Variants in GPHN observed in about 807,000 individuals in gnomAD.
GPHN encodes the protein gephyrin.
Under a neutral mutation model 95.5 loss-of-function variants are expected in GPHN, and 17 were observed. The observed-to-expected ratio is 0.18, with a 90% CI of 0.12 to 0.27. The LOEUF is 0.27. GPHN is among the 10% of genes least tolerant of loss of function. GPHN has a pLI of 1.00. For missense variants in GPHN, 660 were observed against 978.1 expected, an observed-to-expected ratio of 0.67 and a Z score of 4.34; for synonymous variants, 320 against 322.5, an observed-to-expected ratio of 0.99 and a Z score of 0.08.
At chr14:66,673,461 C>G (rs1474409577) in intron 1 of GPHN, among the ~76,000 whole-genome samples, 1 of 152,196 alleles carries the variant, frequency 6.6e-6, no homozygotes, top group Non-Finnish European at 1.5e-5. Context: ...TCCAATAACA[C>G]TATATTCACA....
At position 66,587,212 on chromosome 14, in the gene GPHN, CAAGT is replaced by C. The variant is rs560742850; in HGVS notation, c.64+78625_64+78628del. Among the ~76,000 whole-genome samples the C allele has an allele frequency of 9.2e-5, 14 of 152,090 alleles. No homozygotes were observed. The South Asian group carries it at 2.5e-3, about 27-fold the overall frequency. On this transcript the variant is annotated intron_variant, in intron 1 of 22. Coordinates refer to ENST00000478722, the MANE Select transcript of GPHN (RefSeq NM_020806.5). ...GAAATAGAAAAGCTTTACATAATAA[CAAGT>C]AAGGAGATTAAGTCAATAATAAAAA...
the GPHN span, among the ~76,000 whole-genome samples, chr14:67,212,796 G>A: frequency 1.3e-5 from 2 of 151,614 alleles, no homozygotes; most frequent in African/African-American, 4.8e-5. Context: ...AGGAAAATGG[G>A]TGATCCTTAG....
At chr14:66,781,557 G>A (rs555456837) in intron 3 of GPHN, among the ~76,000 whole-genome samples, 11 of 152,128 alleles carry the variant, frequency 7.2e-5, no homozygotes, top group Non-Finnish European at 1.3e-4. Flanking sequence ...CCTTGCTTTT[G>A]TTCCGTTTTA....
chr14:66,575,921 G>A (rs2060883333), intron 1 of GPHN, among the ~76,000 whole-genome samples: 1 of 152,152 alleles, frequency 6.6e-6, no homozygotes, highest in Non-Finnish European at 1.5e-5. Flanking sequence ...GGCAGGCCTG[G>A]AACTTTAATC....
At chr14:67,631,787 T>C in the GPHN span, among the ~76,000 whole-genome samples, 1 of 152,194 alleles carries the variant, frequency 6.6e-6, no homozygotes, top group Non-Finnish European at 1.5e-5. Flanking sequence ...GATTCTGTCC[T>C]TGATTCTCCT....
the GPHN span, among the ~76,000 whole-genome samples, chr14:67,510,172 G>A: frequency 5.9e-5 from 9 of 152,302 alleles, no homozygotes; most frequent in South Asian, 1.9e-3. Context: ...CTATCTCATT[G>A]ATATGAGAAA....
intron 4 of GPHN, among the ~76,000 whole-genome samples, chr14:66,851,210 A>C (rs962655328): frequency 6.6e-6 from 1 of 151,962 alleles, no homozygotes; most frequent in African/African-American, 2.4e-5. Context: ...TCAAAAACTG[A>C]ACATATCTAT....
At chr14:67,143,534 T>G in intron 18 of GPHN, 85 bp downstream of exon 18, 2 of 870,110 alleles carry the variant, frequency 2.3e-6, no homozygotes, top group Non-Finnish European at 3.9e-6. Flanking sequence ...AGGCATCTGA[T>G]ATTCATAACG....
chr14:66,670,701 A>G lies in GPHN; in HGVS notation c.65-10406A>G, dbSNP rs201012071. Among the ~76,000 whole-genome samples, 11 of 152,346 alleles carry G rather than the reference A, an allele frequency of 7.2e-5. No homozygotes were observed. The East Asian group carries it at 2.1e-3, about 29-fold the overall frequency. Reference sequence around the variant, plus strand: ...CAGCTACTTGGGAAGCTGAGGGAGAAGGATCATTTGAGCCTAGGCGGTGGA... The same window carrying G: ...CAGCTACTTGGGAAGCTGAGGGAGAGGGATCATTTGAGCCTAGGCGGTGGA... On this transcript the variant is annotated intron_variant, in intron 1 of 22. Coordinates refer to ENST00000478722, the MANE Select transcript of GPHN (RefSeq NM_020806.5).
the GPHN span, among the ~76,000 whole-genome samples, chr14:67,480,045 T>A: frequency 6.6e-6 from 1 of 152,180 alleles, no homozygotes; most frequent in East Asian, 1.9e-4. Context: ...AAAGTGAGGA[T>A]AACGGAAGTA....
At chr14:67,079,795 T>G (rs2076620900) in intron 11 of GPHN, among the ~76,000 whole-genome samples, 1 of 152,070 alleles carries the variant, frequency 6.6e-6, no homozygotes. Flanking sequence ...TCATTCTACT[T>G]TTTTCTATTA....
At chr14:66,663,454 C>T (rs2065771609) in intron 1 of GPHN, among the ~76,000 whole-genome samples, 1 of 152,170 alleles carries the variant, frequency 6.6e-6, no homozygotes, top group Non-Finnish European at 1.5e-5. Flanking sequence ...CCACACCTGC[C>T]TTACAATAGC....
chr14:67,044,505 A>G (rs1231039890), intron 10 of GPHN, among the ~76,000 whole-genome samples: 4 of 152,090 alleles, frequency 2.6e-5, no homozygotes, highest in African/African-American at 9.7e-5. Flanking sequence ...TATTTTCCCC[A>G]GGACATGTTA....
intron 2 of GPHN, among the ~76,000 whole-genome samples, chr14:66,734,130 A>G (rs1325624179): frequency 2.0e-5 from 3 of 152,116 alleles, no homozygotes; most frequent in Non-Finnish European, 4.4e-5. Context: ...CATTCTCTAT[A>G]TAGCAGCCAG....
chr14:67,106,639 G>T (rs2078055015), intron 13 of GPHN, among the ~76,000 whole-genome samples: 1 of 152,030 alleles, frequency 6.6e-6, no homozygotes, highest in Admixed American at 6.6e-5. Context: ...TTATTCAGCT[G>T]TAGGATTTCT....
At position 66,961,938 on chromosome 14, in the gene GPHN, A is replaced by G. The variant is rs1440096968; in HGVS notation, c.829-3253A>G. Among the ~76,000 whole-genome samples the G allele has an allele frequency of 6.1e-4, 49 of 79,800 alleles. 2 individuals carry two copies. Among genetic ancestry groups the G allele is most frequent in the African/African-American group, 9.9e-4 (9 of 9,064 alleles). The allele number at this position is 79,800 out of a possible 152,430, so 52.4% of individuals were successfully genotyped here. A position where few individuals can be genotyped will look rare whatever the true frequency, so the allele number is the denominator to read the frequency against. On this transcript the variant is annotated intron_variant, in intron 8 of 22. Coordinates refer to ENST00000478722, the MANE Select transcript of GPHN (RefSeq NM_020806.5). ...TATATATATATATATATATATATAT[A>G]TATATATATACACATATCTCCCAGA...
At chr14:67,194,948 G>A in the GPHN span, among the ~76,000 whole-genome samples, 5 of 152,118 alleles carry the variant, frequency 3.3e-5, no homozygotes, top group South Asian at 2.1e-4. Context: ...GTGAGCCACC[G>A]TGCCCCTCTC....
At chr14:67,027,818 G>A (rs1036241867) in intron 10 of GPHN, among the ~76,000 whole-genome samples, 7 of 152,106 alleles carry the variant, frequency 4.6e-5, no homozygotes, top group African/African-American at 1.7e-4. Context: ...AATTTGTAAT[G>A]ATCAAGTCAG....
chr14:66,904,617 A>G (rs1360100759), intron 5 of GPHN, among the ~76,000 whole-genome samples: 2 of 152,082 alleles, frequency 1.3e-5, no homozygotes, highest in East Asian at 1.9e-4. Flanking sequence ...TCACCTCTCA[A>G]TGCCCCCTTT....
Sources: gnomAD v4.1 joint callset for allele counts (sites outside exome capture counted in the v4.1 genomes callset) on GRCh38, gnomAD v4.1.1 for gene constraint, MANE v1.5 for transcripts, NCBI Gene and HGNC (gene_info 2026-07-23, HGNC 2026-07-21) for gene names.